FGF14: variants seen among roughly 807,000 people sequenced by gnomAD.
FGF14 encodes fibroblast growth factor 14, also known as fibroblast growth factor homologous factor 4.
A neutral mutation model predicts 25.5 loss-of-function variants in FGF14; 5 were observed. The observed-to-expected ratio is 0.20, with a 90% CI of 0.10 to 0.41. The LOEUF is 0.41. FGF14 is among the 10% of genes least tolerant of loss of function. The pLI is 1.00. For missense variants in FGF14, 222 were observed against 320.1 expected (o/e 0.69, Z 2.34); for synonymous variants, 138 against 118.3 (o/e 1.17, Z -1.08).
intron 3 of FGF14, among the ~76,000 whole-genome samples, chr13:101,866,462 C>T (rs933607566): frequency 1.3e-5 from 2 of 152,010 alleles, no homozygotes; most frequent in Non-Finnish European, 2.9e-5. Flanking sequence ...TATCAGTGTC[C>T]TTATTTTAAT....
intron 1 of FGF14, among the ~76,000 whole-genome samples, chr13:102,108,860 ATAAGAT>A (rs2045066654): frequency 6.6e-6 from 1 of 152,240 alleles, no homozygotes; most frequent in African/African-American, 2.4e-5. Context: ...ATGTCACACA[ATAAGAT>A]GTTTCAACTT....
chr13:102,299,290 TA>T (rs1386811892), intron 1 of FGF14, among the ~76,000 whole-genome samples: 1 of 151,118 alleles, frequency 6.6e-6, no homozygotes, highest in Non-Finnish European at 1.5e-5. Context: ...GTGATTTTTT[TA>T]AATAGGGTAT....
intron 1 of FGF14, among the ~76,000 whole-genome samples, chr13:102,194,073 A>G (rs1452760159): frequency 6.6e-6 from 1 of 152,218 alleles, no homozygotes; most frequent in Non-Finnish European, 1.5e-5. Flanking sequence ...ATCAGCAAAT[A>G]GATAACATCA....
At chr13:102,220,334 C>T (rs72647423) in intron 1 of FGF14, among the ~76,000 whole-genome samples, 2,201 of 151,870 alleles carry the variant, frequency 0.014, 28 homozygotes, top group Middle Eastern at 0.024. Flanking sequence ...AAGATAGATT[C>T]CAAAGAAAAA....
chr13:102,255,625 T>C (rs969206733), intron 1 of FGF14, among the ~76,000 whole-genome samples: 7 of 152,216 alleles, frequency 4.6e-5, no homozygotes, highest in African/African-American at 1.7e-4. Context: ...TACAAAGTAA[T>C]GTAATTTCCT....
chr13:101,778,225 A>G (rs1420402418), intron 3 of FGF14, among the ~76,000 whole-genome samples: 5 of 152,154 alleles, frequency 3.3e-5, no homozygotes, highest in Non-Finnish European at 1.5e-5. Context: ...AATACAGTTC[A>G]ATTCTGTTGA....
At chr13:102,334,681 G>A (rs972688982) in intron 1 of FGF14, among the ~76,000 whole-genome samples, 1 of 152,290 alleles carries the variant, frequency 6.6e-6, no homozygotes, top group African/African-American at 2.4e-5. Flanking sequence ...CTAACTTCAT[G>A]TTATATGCAC....
intron 1 of FGF14, among the ~76,000 whole-genome samples, chr13:101,876,101 A>G (rs1239779971): frequency 6.6e-6 from 1 of 152,204 alleles, no homozygotes; most frequent in Non-Finnish European, 1.5e-5. Context: ...GGGCAGTGGA[A>G]GTTTATTTAA....
intron 1 of FGF14, among the ~76,000 whole-genome samples, chr13:102,364,383 A>T (rs762136667): frequency 1.3e-5 from 2 of 152,212 alleles, no homozygotes; most frequent in African/African-American, 2.4e-5. Context: ...GGTGGACTCA[A>T]TTCAGCCTTA....
intron 1 of FGF14, among the ~76,000 whole-genome samples, chr13:101,987,106 C>T (rs1455318479): frequency 6.6e-6 from 1 of 152,018 alleles, no homozygotes; most frequent in Non-Finnish European, 1.5e-5. Context: ...ACTGGTTGCC[C>T]TTATTCCACT....
chr13:102,184,528 A>G (rs979268570), intron 1 of FGF14, among the ~76,000 whole-genome samples: 1 of 152,178 alleles, frequency 6.6e-6, no homozygotes, highest in Non-Finnish European at 1.5e-5. Flanking sequence ...TAAAGTGGTG[A>G]TGAATGATAG....
At chr13:102,203,975 GACT>G (rs2140892787) in intron 1 of FGF14, among the ~76,000 whole-genome samples, 1 of 152,296 alleles carries the variant, frequency 6.6e-6, no homozygotes, top group East Asian at 1.9e-4. Context: ...CAGTGGGAAA[GACT>G]ACATGACCAG....
chr13:102,275,893 C>A (rs546781657), intron 1 of FGF14, among the ~76,000 whole-genome samples: 2 of 152,064 alleles, frequency 1.3e-5, no homozygotes, highest in South Asian at 2.1e-4. Context: ...CTGATCTCAG[C>A]AACATAATAA....
At chr13:102,069,350 G>A (rs941550537) in intron 1 of FGF14, among the ~76,000 whole-genome samples, 15 of 152,226 alleles carry the variant, frequency 9.9e-5, no homozygotes, top group African/African-American at 1.9e-4. Context: ...AAGGCCACTC[G>A]GCTCTACCAA....
intron 1 of FGF14, among the ~76,000 whole-genome samples, chr13:102,363,040 G>A (rs1221621094): frequency 6.6e-6 from 1 of 151,962 alleles, no homozygotes. Context: ...AACCATTAAG[G>A]CATAAAAACT....
intron 1 of FGF14, among the ~76,000 whole-genome samples, chr13:101,993,465 A>G (rs759084876): frequency 1.8e-4 from 28 of 152,036 alleles, no homozygotes; most frequent in Admixed American, 3.9e-4. Flanking sequence ...TTGTACTTTA[A>G]CAGATAACAG....
intron 1 of FGF14, among the ~76,000 whole-genome samples, chr13:102,363,479 G>T (rs558817343): frequency 2.0e-5 from 3 of 152,296 alleles, no homozygotes; most frequent in South Asian, 2.1e-4. Flanking sequence ...TAAGAGCTTT[G>T]TAAACTGTAA....
At chr13:102,127,603 G>A (rs1019796888) in intron 1 of FGF14, among the ~76,000 whole-genome samples, 28 of 152,234 alleles carry the variant, frequency 1.8e-4, no homozygotes, top group African/African-American at 6.5e-4. Flanking sequence ...AGAGAATCAT[G>A]AATGCTTATG....
rs1428412748 is a variant in FGF14, at chr13:101,916,718, C to T, written c.-73G>A. The T allele has an allele frequency of 1.6e-5, 21 of 1,341,494 alleles. No individual in the cohort carries two copies. The East Asian group carries it at 3.9e-4, about 25-fold the overall frequency. The allele number at this position is 1,341,494 out of a possible 1,614,324, so 83.1% of individuals were successfully genotyped here. On this transcript the variant is annotated 5_prime_UTR_variant, in exon 1 of 5. Transcript: ENST00000376143. ...GAGCCGGGGGCACCGGAGGGGAAGG[C>T]GGCGGCGCAGACCGTGGCTCGCCCT... is the stretch of plus-strand genomic sequence containing the variant.
Sources: allele counts gnomAD v4.1 joint callset (sites outside exome capture counted in the v4.1 genomes callset), GRCh38; gene constraint gnomAD v4.1.1; transcripts MANE v1.5; gene names NCBI Gene and HGNC (gene_info 2026-07-23, HGNC 2026-07-21).